Variants in BTBD1 observed in about 807,000 individuals in gnomAD.
BTBD1 encodes the protein BTB domain containing 1, also known as BTB/POZ domain-containing protein 1.
A neutral mutation model predicts 48.0 loss-of-function variants in BTBD1; 34 were observed. The ratio of observed to expected loss-of-function variants is 0.71; its 90% CI spans 0.54 to 0.94. BTBD1 has a LOEUF of 0.94. Ranked by LOEUF, BTBD1 falls within the 40% of genes least tolerant of loss-of-function variation. BTBD1 has a pLI of 0.00. For synonymous variants in BTBD1, 261 were observed against 242.1 expected, an observed-to-expected ratio of 1.08 and a Z score of -0.72; for missense variants, 543 against 625.6, an observed-to-expected ratio of 0.87 and a Z score of 1.41.
intron 5 of BTBD1, among the ~76,000 whole-genome samples, chr15:83,025,028 G>A (rs752554783): frequency 3.3e-5 from 5 of 152,082 alleles, no homozygotes. Context: ...CTTATTAAAA[G>A]AGAAACATAT....
Position 83,025,684 on chromosome 15 carries a change from C to CA in BTBD1, c.1055+4451dup, listed in dbSNP as rs563326711. Among the ~76,000 whole-genome samples the CA allele has an allele frequency of 3.3e-3, 495 of 152,186 alleles. 1 individual carries two copies. The highest frequency in any genetic ancestry group is 4.8e-3 in the Non-Finnish European group (325 of 68,004). ...CATATTGTAATAGTAACATAATACT[C>CA]AAAATATTTAATGATATTTACTCAA... On this transcript the variant is annotated intron_variant, in intron 5 of 7. Transcript: ENST00000261721.
intron 3 of BTBD1, chr15:83,044,347 G>T: frequency 7.1e-7 from 1 of 1,412,990 alleles, no homozygotes; most frequent in Non-Finnish European, 9.8e-7. Flanking sequence ...TGCTCTGCAT[G>T]CCCGCCCGCC....
chr15:83,058,792 CA>C (rs1448072178), intron 1 of BTBD1, among the ~76,000 whole-genome samples: 30 of 152,108 alleles, frequency 2.0e-4, no homozygotes, highest in African/African-American at 7.2e-4. Context: ...CTTAACAGGA[CA>C]AGTGCCGCAA....
intron 2 of BTBD1, among the ~76,000 whole-genome samples, chr15:83,054,381 A>T (rs1360745088): frequency 1.3e-5 from 2 of 152,072 alleles, no homozygotes. Flanking sequence ...ATATTAAACT[A>T]CATCACAGCA....
At chr15:83,018,902 A>G (rs982792346) in intron 6 of BTBD1, 49 bp from the exon 7 acceptor site, 4 of 1,483,968 alleles carry the variant, frequency 2.7e-6, no homozygotes, top group Non-Finnish European at 3.7e-6. Context: ...CAAATAAAGC[A>G]AACTATAGAA....
chr15:83,020,905 ATC>A, intron 5 of BTBD1, 143 bp from the exon 6 acceptor site: 1 of 533,624 alleles, frequency 1.9e-6, no homozygotes, highest in Non-Finnish European at 3.3e-6. Context: ...TGGAAATGTC[ATC>A]TGTTTGCTTA....
At chr15:83,065,279 G>A (rs528528275) in intron 1 of BTBD1, among the ~76,000 whole-genome samples, 1 of 152,322 alleles carries the variant, frequency 6.6e-6, no homozygotes, top group Admixed American at 6.5e-5. Context: ...GTCAGAAAAT[G>A]CTGTTCAGAT....
At chr15:83,034,714 T>C (rs2032591539) in intron 4 of BTBD1, among the ~76,000 whole-genome samples, 1 of 151,934 alleles carries the variant, frequency 6.6e-6, no homozygotes, top group African/African-American at 2.4e-5. Context: ...AAATCCTAAA[T>C]TTGAAGGTAC....
intron 1 of BTBD1, chr15:83,061,476 T>G (rs2033175496): frequency 6.6e-6 from 1 of 152,222 alleles, no homozygotes; most frequent in African/African-American, 2.4e-5. Context: ...TGTGTTCATG[T>G]CCTTACATAG....
At chr15:83,042,355 T>C (rs989990422) in intron 3 of BTBD1, among the ~76,000 whole-genome samples, 1 of 121,260 alleles carries the variant, frequency 8.2e-6, no homozygotes, top group African/African-American at 3.3e-5. Context: ...ATTTTATATA[T>C]ATATATATAT....
chr15:83,044,355 GC>G, intron 3 of BTBD1: 1 of 1,446,184 alleles, frequency 6.9e-7, no homozygotes, highest in Non-Finnish European at 9.5e-7. Context: ...ATGCCCGCCC[GC>G]CCGTGCCCAC....
rs1377890950 is a variant in BTBD1, at chr15:83,034,049, C to T, written c.863-3721G>A. On this transcript the variant is annotated intron_variant, in intron 4 of 7. Coordinates refer to ENST00000261721, the MANE Select transcript of BTBD1 (RefSeq NM_025238.4). ...GCTGGAGTAAGCTGAGATCATGCCA[C>T]TGCATTCCAGCCTGGGTGACAGAGG... Among the ~76,000 whole-genome samples, 3 of 146,008 alleles carry T rather than the reference C, an allele frequency of 2.1e-5. No individual in the cohort carries two copies. The Admixed American group carries it at 2.1e-4, about 10-fold the overall frequency.
intron 6 of BTBD1, among the ~76,000 whole-genome samples, chr15:83,019,461 G>A (rs2032242006): frequency 1.3e-5 from 2 of 151,428 alleles, no homozygotes; most frequent in Admixed American, 6.6e-5. Context: ...AAAGTACTGG[G>A]ATTATAGATC....
At chr15:83,047,314 C>G (rs538495263) in intron 3 of BTBD1, among the ~76,000 whole-genome samples, 1 of 152,242 alleles carries the variant, frequency 6.6e-6, no homozygotes, top group East Asian at 1.9e-4. Context: ...CTTCTTTAAT[C>G]TGAGATGCCA....
At chr15:83,037,720 C>T (rs965579340) in intron 4 of BTBD1, among the ~76,000 whole-genome samples, 1 of 152,124 alleles carries the variant, frequency 6.6e-6, no homozygotes, top group Non-Finnish European at 1.5e-5. Context: ...ATAAAATGCA[C>T]CCAAATAAGA....
intron 1 of BTBD1, among the ~76,000 whole-genome samples, chr15:83,064,865 C>G (rs1187919251): frequency 2.0e-5 from 3 of 152,138 alleles, no homozygotes; most frequent in South Asian, 2.1e-4. Context: ...GAGGTCCCCC[C>G]CCTTTATAAA....
At chr15:83,045,077 G>C in intron 3 of BTBD1, among the ~76,000 whole-genome samples, 1 of 152,144 alleles carries the variant, frequency 6.6e-6, no homozygotes, top group East Asian at 1.9e-4. Flanking sequence ...ATATCTAATA[G>C]TTATACTTTA....
At position 83,028,064 on chromosome 15, in the gene BTBD1, A is replaced by G. The variant is rs527711585; in HGVS notation, c.1055+2072T>C. 1.3e-4 allele frequency among the ~76,000 whole-genome samples: 20 copies of G among 152,288 alleles called. No individual in the cohort carries two copies. In the East Asian group the frequency reaches 1.3e-3, roughly 10 times the overall value. On this transcript the variant is annotated intron_variant, in intron 5 of 7. Transcript: ENST00000261721. ...AGGTTAGTAAAGTGGGAATTACAAA[A>G]TATTTATTAAAAAAAGAGAGAACTG...
At chr15:83,033,530 G>C (rs1219237432) in intron 4 of BTBD1, among the ~76,000 whole-genome samples, 1 of 152,034 alleles carries the variant, frequency 6.6e-6, no homozygotes, top group African/African-American at 2.4e-5. Flanking sequence ...TATAGCAAAA[G>C]TATCAATAAT....
Sources: gnomAD v4.1 joint callset for allele counts (sites outside exome capture counted in the v4.1 genomes callset) on GRCh38, gnomAD v4.1.1 for gene constraint, MANE v1.5 for transcripts, NCBI Gene and HGNC (gene_info 2026-07-23, HGNC 2026-07-21) for gene names.